Variants in SREK1 observed in about 807,000 individuals in gnomAD.
SREK1 encodes splicing regulatory glutamine/lysine-rich protein 1.
In SREK1, 13 loss-of-function variants were observed where a neutral mutation model predicts 66.5. That is an observed-to-expected ratio of 0.20 (90% CI 0.13 to 0.31). The LOEUF is 0.31. Ranked by LOEUF, SREK1 falls within the 10% of genes least tolerant of loss-of-function variation. The pLI is 1.00. For synonymous variants in SREK1, 265 were observed against 263.5 expected (o/e 1.01, Z -0.05); for missense variants, 607 against 769.6 (o/e 0.79, Z 2.50).
Position 66,162,381 on chromosome 5 carries a change from A to G in SREK1, c.577-33A>G. The G allele has an allele frequency of 5.6e-6, 9 of 1,610,042 alleles. No individual in the cohort carries two copies. In the South Asian group the frequency reaches 9.9e-5, roughly 18 times the overall value. The stretch of plus-strand genomic sequence containing the variant: ...TATTTATCTGATTTTTTAAATGGAT[A>G]TATTTTATCAAAGTGTCACTTTGTT... On this transcript the variant is annotated intron_variant, in intron 4 of 11. Coordinates refer to ENST00000334121, the MANE Select transcript of SREK1 (RefSeq NM_001077199.3).
In SREK1 at chr5:66,162,662, CTT is replaced by C. The variant is rs1010648878; in HGVS notation, c.755+78_755+79del. 4 of 1,388,800 alleles carry C rather than the reference CTT, an allele frequency of 2.9e-6. No individual in the cohort carries two copies. In the South Asian group the frequency reaches 6.3e-5, roughly 22 times the overall value. 86.0% of individuals were successfully genotyped at this position (1,388,800 alleles called of 1,614,324 possible). ...TAAAGTATTTTTGATGTAATGAAGGCTTTTTTTTTCTTTTTAATAGTAATTGG... is the reference window on the plus strand; with the variant it reads ...TAAAGTATTTTTGATGTAATGAAGGCTTTTTTTCTTTTTAATAGTAATTGG... On this transcript the variant is annotated intron_variant, in intron 5 of 11. Transcript: ENST00000334121.
At chr5:66,152,576 G>T (rs1257908963) in intron 1 of SREK1, among the ~76,000 whole-genome samples, 1 of 152,126 alleles carries the variant, frequency 6.6e-6, no homozygotes, top group Non-Finnish European at 1.5e-5. Context: ...TGACTATTAA[G>T]TCATATATTT....
rs1333161883 is a variant in SREK1 at position 66,170,443 on chromosome 5, C to T, written c.1122-142C>T. On this transcript the variant is annotated intron_variant, in intron 8 of 11. Transcript: ENST00000334121. ...GCTTTGTTTAGCAGCTTCTTGTACACCTGAGCTATATAAAAATGTATATGT... is the reference window on the plus strand; with the variant it reads ...GCTTTGTTTAGCAGCTTCTTGTACATCTGAGCTATATAAAAATGTATATGT... The T allele has an allele frequency of 5.8e-6, 7 of 1,198,212 alleles. No individual in the cohort carries two copies. The Admixed American group carries it at 1.6e-4, about 28-fold the overall frequency. The allele number at this position is 1,198,212 out of a possible 1,614,324, so 74.2% of individuals were successfully genotyped here. A position where few individuals can be genotyped will look rare whatever the true frequency, so the allele number is the denominator to read the frequency against.
rs750401138 is a variant in SREK1 at position 66,162,497 on chromosome 5, G to A, written c.660G>A (p.Gln220=). The A allele has an allele frequency of 6.8e-6, 11 of 1,613,984 alleles. No homozygotes were observed. In the East Asian group the frequency reaches 2.2e-4, roughly 33 times the overall value. Residue 220 remains glutamine, a synonymous_variant, in exon 5 of 12, where the codon CAG becomes CAA. Transcript: ENST00000334121. ...TGCGGATGGCAGGTGATGAGACTCAGCCAACTCGGTTTGCTTTTGTGGAAT... is the reference window on the plus strand; with the variant it reads ...TGCGGATGGCAGGTGATGAGACTCAACCAACTCGGTTTGCTTTTGTGGAAT... ...KFVRMAGDET[Q]PTRFAFVEFA... is the part of the protein sequence containing the mutation.
intron 2 of SREK1, among the ~76,000 whole-genome samples, chr5:66,154,756 G>A (rs976015098): frequency 2.6e-5 from 4 of 152,096 alleles, no homozygotes; most frequent in African/African-American, 9.7e-5. Flanking sequence ...CATGCTTGGG[G>A]GTTAGAGTGG....
chr5:66,146,613 A>G (rs771720120), intron 1 of SREK1, among the ~76,000 whole-genome samples: 1 of 151,976 alleles, frequency 6.6e-6, no homozygotes, highest in Non-Finnish European at 1.5e-5. Flanking sequence ...TAGATCCCTC[A>G]TTCATGTTTT....
At chr5:66,156,040 C>G (rs893691509) in intron 2 of SREK1, 1 of 1,533,562 alleles carries the variant, frequency 6.5e-7, no homozygotes, top group Non-Finnish European at 8.7e-7. Context: ...TATGTTTTCT[C>G]TATGTGATAT....
At chr5:66,150,324 A>G (rs1209812562) in intron 1 of SREK1, among the ~76,000 whole-genome samples, 2 of 152,250 alleles carry the variant, frequency 1.3e-5, no homozygotes, top group Non-Finnish European at 2.9e-5. Flanking sequence ...ATGGTTTACC[A>G]GAAGACTTGG....
chr5:66,168,949 A>G (rs1034385869), intron 7 of SREK1: 29 of 152,176 alleles, frequency 1.9e-4, no homozygotes, highest in African/African-American at 7.0e-4. Context: ...AGATGCAGGT[A>G]TGATTGCTAC....
intron 10 of SREK1, among the ~76,000 whole-genome samples, chr5:66,176,067 A>G (rs1398933950): frequency 6.6e-6 from 1 of 152,098 alleles, no homozygotes; most frequent in Non-Finnish European, 1.5e-5. Context: ...ATGGTTTTAT[A>G]TTTTGCAGTT....
intron 6 of SREK1, chr5:66,164,245 G>A (rs1472604243): frequency 3.2e-5 from 9 of 284,920 alleles, no homozygotes; most frequent in South Asian, 1.6e-4. Flanking sequence ...AAAACGTTAC[G>A]ACTCAGCAGG....
chr5:66,150,724 A>G (rs1365773240), intron 1 of SREK1, among the ~76,000 whole-genome samples: 1 of 152,224 alleles, frequency 6.6e-6, no homozygotes, highest in Non-Finnish European at 1.5e-5. Context: ...AAATATTTAC[A>G]AGGTACTCTA....
intron 1 of SREK1, among the ~76,000 whole-genome samples, chr5:66,148,891 C>T (rs1342704209): frequency 6.6e-6 from 1 of 152,144 alleles, no homozygotes; most frequent in Non-Finnish European, 1.5e-5. Flanking sequence ...CAAGCAAGTA[C>T]ACATTTGTTT....
At chr5:66,168,924 C>T (rs1037219726) in intron 7 of SREK1, 1 of 152,170 alleles carries the variant, frequency 6.6e-6, no homozygotes, top group South Asian at 2.1e-4. Context: ...TTGTAATCCT[C>T]ATGACAGCCC....
chr5:66,177,333 T>C, intron 10 of SREK1, 181 bp from the exon 11 acceptor site: 2 of 464,952 alleles, frequency 4.3e-6, no homozygotes, highest in South Asian at 4.0e-5. Context: ...CTAACTGGGG[T>C]AAGGGTGGGG....
rs146120176 is a variant in SREK1, at chr5:66,147,086, C to T, written c.161+2549C>T. The stretch of plus-strand genomic sequence containing the variant: ...AAAATGACTTAAATGACTTAAGTTG[C>T]TAATATGAAAATTCAGATTTTAAAT... On this transcript the variant is annotated intron_variant, in intron 1 of 11. Transcript: ENST00000334121. 4.2e-3 allele frequency among the ~76,000 whole-genome samples: 637 copies of T among 152,186 alleles called. 4 individuals carry two copies. Among genetic ancestry groups the T allele is most frequent in the Non-Finnish European group, 6.9e-3 (470 of 67,994 alleles).
In SREK1 at chr5:66,151,040, C is replaced by G. The variant is rs191286777; in HGVS notation, c.162-2423C>G. On this transcript the variant is annotated intron_variant, in intron 1 of 11. Coordinates refer to ENST00000334121, the MANE Select transcript of SREK1 (RefSeq NM_001077199.3). Reference sequence around the variant, plus strand: ...ATTTTTAGTAGAGATGGGGTTTCATCATGTTGGCTAGACTGGTCTCAAACT... The same window carrying G: ...ATTTTTAGTAGAGATGGGGTTTCATGATGTTGGCTAGACTGGTCTCAAACT... Among the ~76,000 whole-genome samples the G allele has an allele frequency of 7.3e-4, 111 of 152,248 alleles. 1 individual carries two copies. The highest frequency in any genetic ancestry group is 3.4e-3 in the Middle Eastern group (1 of 292).
rs1409794296 is a variant in SREK1, at chr5:66,183,310, A to T, written c.*4442A>T. Reference sequence around the variant, plus strand: ...AACCATTTTGAGGGTACTGGTAGGTAACACACTGTTGGGGAATAAACTAAA... The same window carrying T: ...AACCATTTTGAGGGTACTGGTAGGTTACACACTGTTGGGGAATAAACTAAA... On this transcript the variant is annotated 3_prime_UTR_variant, in exon 12 of 12. Transcript: ENST00000334121. The T allele has an allele frequency of 6.6e-6, 1 of 152,214 alleles. No homozygotes were observed. Among genetic ancestry groups the T allele is most frequent in the Middle Eastern group, 3.2e-3 (1 of 316 alleles). The allele number at this position is 152,214 out of a possible 1,614,324, so 9.4% of individuals were successfully genotyped here.
chr5:66,168,453 C>G (rs963026555), intron 7 of SREK1: 12 of 152,118 alleles, frequency 7.9e-5, no homozygotes, highest in Admixed American at 7.9e-4. Context: ...ACCTCTGCCC[C>G]CCGGGTTCAG....
Sources: allele counts gnomAD v4.1 joint callset (sites outside exome capture counted in the v4.1 genomes callset), GRCh38; gene constraint gnomAD v4.1.1; transcripts MANE v1.5; gene names NCBI Gene and HGNC (gene_info 2026-07-23, HGNC 2026-07-21).